The following BLTP1 variants were observed in gnomAD, a reference collection of about 807,000 sequenced individuals.
BLTP1 encodes bridge-like lipid transfer protein family member 1.
the BLTP1 span, chr4:122,251,626 A>C: frequency 3.0e-6 from 3 of 984,320 alleles, no homozygotes; most frequent in Non-Finnish European, 3.6e-6. Context: ...TCCTTCACCT[A>C]CTAAAATACT....
At chr4:122,186,166 AGAT>A in the BLTP1 span, 3 of 1,612,940 alleles carry the variant, frequency 1.9e-6, no homozygotes, top group South Asian at 3.3e-5. Flanking sequence ...CACCTAAGAA[AGAT>A]GATGATAAAA....
the BLTP1 span, chr4:122,211,230 G>T: frequency 1.3e-6 from 1 of 746,168 alleles, no homozygotes; most frequent in Non-Finnish European, 2.1e-6. Context: ...ATGTTGACTG[G>T]ACTTGGGGTG....
chr4:122,218,443 T>G, the BLTP1 span, among the ~76,000 whole-genome samples: 1 of 152,176 alleles, frequency 6.6e-6, no homozygotes, highest in South Asian at 2.1e-4. Context: ...ATTTAAATAT[T>G]AATCCCCCTA....
At chr4:122,204,379 T>C in the BLTP1 span, 1 of 900,110 alleles carries the variant, frequency 1.1e-6, no homozygotes, top group East Asian at 1.2e-4. Flanking sequence ...TATTTTGCCA[T>C]TTACAAAGCA....
At chr4:122,179,270 A>AAAAT in the BLTP1 span, among the ~76,000 whole-genome samples, 105 of 152,194 alleles carry the variant, frequency 6.9e-4, no homozygotes, top group South Asian at 1.7e-3. Context: ...TTTTCTCTAA[A>AAAAT]AAATAAATAA....
At chr4:122,237,194 T>A in the BLTP1 span, 2 of 985,456 alleles carry the variant, frequency 2.0e-6, no homozygotes, top group Non-Finnish European at 1.2e-6. Flanking sequence ...GGATTTACTT[T>A]TTTTGGCTAA....
the BLTP1 span, chr4:122,266,679 T>C: frequency 4.0e-6 from 4 of 1,002,700 alleles, no homozygotes; most frequent in Non-Finnish European, 5.7e-6. Context: ...TAATAATATG[T>C]ACTGAGGTAG....
the BLTP1 span, chr4:122,307,721 T>G: frequency 1.0e-6 from 1 of 985,202 alleles, no homozygotes; most frequent in Non-Finnish European, 1.2e-6. Context: ...GATTTTCTTC[T>G]TCCTTGTGCC....
At chr4:122,215,324 A>G in the BLTP1 span, 1 of 946,206 alleles carries the variant, frequency 1.1e-6, no homozygotes, top group Non-Finnish European at 1.3e-6. Flanking sequence ...AAATTTTTTT[A>G]AGATTTACAA....
At chr4:122,273,232 T>C in the BLTP1 span, 1 of 970,362 alleles carries the variant, frequency 1.0e-6, no homozygotes, top group Non-Finnish European at 1.2e-6. Flanking sequence ...AAACTTACTT[T>C]GAACCTACTT....
At chr4:122,186,627 T>A in the BLTP1 span, among the ~76,000 whole-genome samples, 3,726 of 152,112 alleles carry the variant, frequency 0.024, 119 homozygotes, top group African/African-American at 0.075. Context: ...GTAATTTGCT[T>A]TTTATGTAGC....
the BLTP1 span, chr4:122,214,701 C>T: frequency 3.0e-3 from 633 of 207,804 alleles, 2 homozygotes; most frequent in African/African-American, 0.015. Context: ...ACTGCAGCCT[C>T]GACTTCCTGG....
chr4:122,332,086 A>T, the BLTP1 span, among the ~76,000 whole-genome samples: 1 of 151,894 alleles, frequency 6.6e-6, no homozygotes, highest in African/African-American at 2.4e-5. Context: ...TCTAAAAATG[A>T]ACTGTAAAAA....
the BLTP1 span, chr4:122,171,956 C>G: frequency 1.0e-6 from 1 of 982,706 alleles, no homozygotes; most frequent in Non-Finnish European, 1.2e-6. Context: ...TGTTGCCATT[C>G]TGAAGGACTC....
the BLTP1 span, chr4:122,174,421 A>G: frequency 1.1e-6 from 1 of 943,484 alleles, no homozygotes; most frequent in Non-Finnish European, 1.3e-6. Context: ...GGAAAGAATG[A>G]TGGAAAATCA....
At chr4:122,266,747 G>A in the BLTP1 span, 2 of 1,510,934 alleles carry the variant, frequency 1.3e-6, no homozygotes, top group South Asian at 1.3e-5. Context: ...ATGATAAGCT[G>A]TAAGTTGAGC....
chr4:122,273,561 A>G, the BLTP1 span: 1 of 409,896 alleles, frequency 2.4e-6, no homozygotes, highest in Non-Finnish European at 3.3e-6. Context: ...TTATGGTGAG[A>G]ATTAGAGAAA....
chr4:122,189,526 T>C, the BLTP1 span: 2 of 797,736 alleles, frequency 2.5e-6, no homozygotes, highest in Non-Finnish European at 1.5e-6. Flanking sequence ...TGAATGATTA[T>C]AGTTTAATAT....
chr4:122,167,149 T>C, the BLTP1 span, among the ~76,000 whole-genome samples: 1 of 152,234 alleles, frequency 6.6e-6, no homozygotes, highest in Non-Finnish European at 1.5e-5. Context: ...AGTGAACATA[T>C]GCCTGCACAT....
Sources: allele counts gnomAD v4.1 joint callset (sites outside exome capture counted in the v4.1 genomes callset), GRCh38; gene constraint gnomAD v4.1.1; transcripts MANE v1.5; gene names NCBI Gene and HGNC (gene_info 2026-07-23, HGNC 2026-07-21).